The following SVIL variants were observed in gnomAD, a reference collection of about 807,000 sequenced individuals.
SVIL encodes the protein supervillin, also known as archvillin.
In SVIL, 101 loss-of-function variants were observed where a neutral mutation model predicts 240.4. The ratio of observed to expected loss-of-function variants is 0.42; its 90% CI spans 0.36 to 0.50. SVIL has a LOEUF of 0.50. SVIL is among the 20% of genes least tolerant of loss of function. The pLI is 0.01. For synonymous variants in SVIL, 999 were observed against 1,100.0 expected (o/e 0.91, Z 1.82); for missense variants, 2,512 against 2,818.7 (o/e 0.89, Z 2.46).
At chr10:29,554,651 T>C in intron 5 of SVIL, 132 bp downstream of exon 5, 1 of 1,191,322 alleles carries the variant, frequency 8.4e-7, no homozygotes, top group Non-Finnish European at 1.1e-6. Flanking sequence ...TGAAACCTTG[T>C]GCTAAAAAAA....
chr10:29,616,719 A>G (rs1957440333), intron 1 of SVIL, among the ~76,000 whole-genome samples: 1 of 152,090 alleles, frequency 6.6e-6, no homozygotes, highest in Non-Finnish European at 1.5e-5. Flanking sequence ...GGGGAAGTGC[A>G]ACTCTTTTTT....
At chr10:29,515,776 A>G (rs546791290) in intron 16 of SVIL, among the ~76,000 whole-genome samples, 174 of 152,280 alleles carry the variant, frequency 1.1e-3, no homozygotes, top group African/African-American at 4.0e-3. Flanking sequence ...GAAGCTCCCA[A>G]AAGTCTGGGG....
chr10:29,499,147 C>G lies in SVIL; in HGVS notation c.3633G>C (p.Gln1211His). 6.2e-7 allele frequency: 1 copy of G among 1,613,948 alleles called. No homozygotes were observed. The highest frequency in any genetic ancestry group is 1.1e-5 in the South Asian group (1 of 91,038). The change falls in exon 18 of 38, where the codon CAG becomes CAC. Residue 1211 changes from glutamine (Q) to histidine (H), a missense_variant. Coordinates refer to ENST00000355867, the MANE Select transcript of SVIL (RefSeq NM_021738.3). The part of the protein sequence containing the change: ...RGRGAANDST[Q>H]FTVAGRMVKK... ...TCACCATCCTGCCAGCCACAGTGAA[C>G]TGGGTCGAGTCGTTGGCCGCTCCTC...
chr10:29,470,639 C>A (rs1422833979), intron 31 of SVIL, among the ~76,000 whole-genome samples, 156 bp from the exon 32 acceptor site: 1 of 152,150 alleles, frequency 6.6e-6, no homozygotes, highest in Non-Finnish European at 1.5e-5. Flanking sequence ...GCACAGGGAG[C>A]CCTGTGGAGC....
At chr10:29,667,615 G>A (rs549408419) in intron 2 of SVIL, among the ~76,000 whole-genome samples, 1 of 152,232 alleles carries the variant, frequency 6.6e-6, no homozygotes, top group African/African-American at 2.4e-5. Context: ...ACTTTGGGAG[G>A]TTGAGAGGGA....
chr10:29,554,976 C>G (rs748635917), intron 4 of SVIL, 42 bp from the exon 5 acceptor site: 3 of 1,609,076 alleles, frequency 1.9e-6, no homozygotes, highest in Non-Finnish European at 2.5e-6. Flanking sequence ...CAACAGCGAT[C>G]GAATCTAAAG....
At chr10:29,490,190 C>T (rs1042132993) in intron 22 of SVIL, among the ~76,000 whole-genome samples, 1 of 152,066 alleles carries the variant, frequency 6.6e-6, no homozygotes, top group African/African-American at 2.4e-5. Flanking sequence ...CTCCGAGAAG[C>T]TCAGGGTCCT....
At chr10:29,717,949 C>A (rs1204622563) in intron 1 of SVIL, among the ~76,000 whole-genome samples, 1 of 152,028 alleles carries the variant, frequency 6.6e-6, no homozygotes, top group Non-Finnish European at 1.5e-5. Flanking sequence ...GAAAAAATGT[C>A]TCATTAATAT....
chr10:29,491,615 AC>A (rs1947966481), intron 21 of SVIL, among the ~76,000 whole-genome samples: 1 of 151,978 alleles, frequency 6.6e-6, no homozygotes, highest in Non-Finnish European at 1.5e-5. Context: ...ATCTGTGACC[AC>A]CCCACATTCT....
At chr10:29,467,342 G>A (rs1005629149) in intron 33 of SVIL, 5 of 160,296 alleles carry the variant, frequency 3.1e-5, no homozygotes, top group African/African-American at 9.6e-5. Context: ...TGGCAGCTAT[G>A]AGGAAAGAAA....
intron 1 of SVIL, among the ~76,000 whole-genome samples, chr10:29,687,164 A>G (rs1236689153): frequency 6.6e-6 from 1 of 152,200 alleles, no homozygotes; most frequent in Non-Finnish European, 1.5e-5. Context: ...TTTTATGTTT[A>G]CAATCTAAGT....
chr10:29,623,440 T>C (rs2132923197), intron 1 of SVIL, among the ~76,000 whole-genome samples: 1 of 152,334 alleles, frequency 6.6e-6, no homozygotes, highest in African/African-American at 2.4e-5. Flanking sequence ...TCAGGCCCCA[T>C]GGGTTGTTCT....
chr10:29,595,875 T>A (rs1956565624), intron 1 of SVIL, among the ~76,000 whole-genome samples: 1 of 152,232 alleles, frequency 6.6e-6, no homozygotes, highest in Non-Finnish European at 1.5e-5. Context: ...AAACAGTAGC[T>A]GCTCTGCCTG....
At chr10:29,583,783 G>A (rs976225048) in intron 1 of SVIL, among the ~76,000 whole-genome samples, 3 of 152,218 alleles carry the variant, frequency 2.0e-5, no homozygotes, top group South Asian at 2.1e-4. Context: ...CAGTGCAGGT[G>A]CCTTGGGGAG....
At chr10:29,604,743 A>C (rs994696331) in intron 1 of SVIL, among the ~76,000 whole-genome samples, 3 of 151,380 alleles carry the variant, frequency 2.0e-5, no homozygotes, top group South Asian at 2.1e-4. Flanking sequence ...CTTTTAAAAA[A>C]ATTTTTGTAA....
chr10:29,535,888 T>A (rs960257884), intron 7 of SVIL, 101 bp downstream of exon 7: 1 of 1,228,004 alleles, frequency 8.1e-7, no homozygotes, highest in African/African-American at 1.5e-5. Flanking sequence ...TGCACTGGTA[T>A]TAAAGAAGGC....
intron 1 of SVIL, among the ~76,000 whole-genome samples, chr10:29,712,867 T>C (rs1199111097): frequency 1.3e-5 from 2 of 151,844 alleles, no homozygotes; most frequent in Admixed American, 1.3e-4. Context: ...GATATAGAGG[T>C]TTATGAACAT....
At position 29,526,973 on chromosome 10, in the gene SVIL, A is replaced by G. The variant is rs1430560386; in HGVS notation, c.2330T>C (p.Val777Ala). The part of the protein sequence containing the change: ...LPSPTVARSA[V>A]QPARLQASAH... The stretch of plus-strand genomic sequence containing the variant: ...ATCTGTCCAGTACCTGGCAGGCTGC[A>G]CAGCGCTCCTAGCTACAGTGGGGCT... The change falls in exon 13 of 38, where the codon GTG becomes GCG. Residue 777 changes from valine to alanine, a missense_variant. By Grantham distance (64) the Val-to-Ala change is moderately conservative. Coordinates refer to ENST00000355867, the MANE Select transcript of SVIL (RefSeq NM_021738.3). The G allele has an allele frequency of 6.2e-7, 1 of 1,603,772 alleles. No individual in the cohort carries two copies. Among genetic ancestry groups the G allele is most frequent in the Non-Finnish European group, 8.5e-7 (1 of 1,176,502 alleles).
At chr10:29,696,046 T>C (rs1402878467) in intron 1 of SVIL, among the ~76,000 whole-genome samples, 1 of 151,218 alleles carries the variant, frequency 6.6e-6, no homozygotes, top group African/African-American at 2.4e-5. Context: ...CTCTGCAGCC[T>C]CCCTGCCTGA....
Sources: allele counts gnomAD v4.1 joint callset (sites outside exome capture counted in the v4.1 genomes callset), GRCh38; gene constraint gnomAD v4.1.1; transcripts MANE v1.5; gene names NCBI Gene and HGNC (gene_info 2026-07-23, HGNC 2026-07-21).